The following RBPJ variants were observed in gnomAD, a reference collection of about 807,000 sequenced individuals.
RBPJ encodes recombining binding protein suppressor of hairless.
A neutral mutation model predicts 67.8 loss-of-function variants in RBPJ; 9 were observed. That is an observed-to-expected ratio of 0.13 (90% confidence interval 0.08 to 0.23). The LOEUF is 0.23. RBPJ is among the 10% of genes least tolerant of loss of function. The pLI is 1.00. For missense variants in RBPJ, 305 were observed against 595.6 expected, an observed-to-expected ratio of 0.51 and a Z score of 5.08; for synonymous variants, 198 against 203.3, an observed-to-expected ratio of 0.97 and a Z score of 0.22.
intron 1 of RBPJ, among the ~76,000 whole-genome samples, chr4:26,164,267 A>G (rs771528720): frequency 6.6e-5 from 10 of 152,240 alleles, no homozygotes; most frequent in Non-Finnish European, 1.5e-4. Context: ...TCACTTGTAC[A>G]TACATACACT....
At chr4:26,245,173 T>C (rs1719884877) in intron 1 of RBPJ, among the ~76,000 whole-genome samples, 1 of 151,124 alleles carries the variant, frequency 6.6e-6, no homozygotes, top group South Asian at 2.1e-4. Context: ...TCATTCTTTC[T>C]TCTCTCCAGT....
At chr4:26,315,169 T>A (rs6853532), upstream of RBPJ, among the ~76,000 whole-genome samples, 7,342 of 70,648 alleles carry the variant, frequency 0.1, 454 homozygotes, top group African/African-American at 0.14. Flanking sequence ...AAAAAAAAAA[T>A]ATATATATAT....
chr4:26,130,161 T>A, the RBPJ span, among the ~76,000 whole-genome samples: 3 of 152,124 alleles, frequency 2.0e-5, no homozygotes, highest in Admixed American at 6.5e-5. Flanking sequence ...ATGCCCAGCC[T>A]CAGAGGGATT....
intron 1 of RBPJ, among the ~76,000 whole-genome samples, chr4:26,214,529 GAGGAA>G (rs1560213689): frequency 3.0e-5 from 1 of 33,742 alleles, no homozygotes; most frequent in African/African-American, 1.2e-4. Context: ...GGGAGGGAAG[GAGGAA>G]GGGAGGGAGG....
the RBPJ span, among the ~76,000 whole-genome samples, chr4:26,124,918 G>A: frequency 6.6e-6 from 1 of 152,138 alleles, no homozygotes. Context: ...CACGACTGTA[G>A]TTCAGGACTG....
chr4:26,138,123 C>G, the RBPJ span, among the ~76,000 whole-genome samples: 6 of 152,210 alleles, frequency 3.9e-5, no homozygotes, highest in African/African-American at 1.4e-4. Flanking sequence ...TGTGAGGCCC[C>G]AGAATGAAGC....
At chr4:26,394,991 C>T (rs1731971202) in intron 2 of RBPJ, among the ~76,000 whole-genome samples, 1 of 152,180 alleles carries the variant, frequency 6.6e-6, no homozygotes, top group South Asian at 2.1e-4. Flanking sequence ...TGGCCTAACA[C>T]TTTTTGCAAA....
intron 1 of RBPJ, among the ~76,000 whole-genome samples, chr4:26,366,632 G>A (rs1311556548): frequency 6.6e-6 from 1 of 152,016 alleles, no homozygotes; most frequent in Non-Finnish European, 1.5e-5. Context: ...GTGTTAGCCA[G>A]GATGGCCTCA....
intron 1 of RBPJ, chr4:26,359,899 A>T (rs888441008): frequency 1.3e-5 from 2 of 152,256 alleles, no homozygotes; most frequent in Admixed American, 1.3e-4. Context: ...ATGCTTTAGC[A>T]GTAGTTTGCT....
chr4:26,191,610 C>T (rs979603916), intron 1 of RBPJ, among the ~76,000 whole-genome samples: 7 of 152,174 alleles, frequency 4.6e-5, no homozygotes, highest in African/African-American at 1.7e-4. Flanking sequence ...GGAGCCAGCT[C>T]CAAGAGTCCT....
At chr4:26,151,548 T>C in the RBPJ span, among the ~76,000 whole-genome samples, 1 of 152,238 alleles carries the variant, frequency 6.6e-6, no homozygotes, top group African/African-American at 2.4e-5. Context: ...TATGATATTT[T>C]ACTCTCATCT....
At chr4:26,276,283 A>G (rs959017791) in intron 1 of RBPJ, among the ~76,000 whole-genome samples, 4 of 151,990 alleles carry the variant, frequency 2.6e-5, no homozygotes, top group Middle Eastern at 3.4e-3. Flanking sequence ...AAAAAAAAAA[A>G]AAAAAGAAAA....
In RBPJ at chr4:26,256,173, T is replaced by C. The variant is rs183538768; in HGVS notation, c.-167+92559T>C. ...AAACTGTCATCACAACCACATGTTA[T>C]AGTGTTTATTTTCCCTTGCCTAGCC... On this transcript the variant is annotated intron_variant, in intron 1 of 4. Coordinates refer to the RBPJ transcript ENST00000512351. Among the ~76,000 whole-genome samples the C allele has an allele frequency of 2.0e-3, 308 of 152,198 alleles. 2 individuals are homozygous for C. The highest frequency in any genetic ancestry group is 7.1e-3 in the African/African-American group (295 of 41,532).
Position 26,420,182 on chromosome 4 carries a change from G to C in RBPJ, c.322-369G>C, listed in dbSNP as rs570754416. Among the ~76,000 whole-genome samples the C allele has an allele frequency of 6.7e-5, 10 of 150,142 alleles. No individual in the cohort carries two copies. The East Asian group carries it at 1.9e-3, about 29-fold the overall frequency. On this transcript the variant is annotated intron_variant, in intron 4 of 10. Transcript: ENST00000355476. ...TAGCTTTATTATTATTTTTTTTTTG[G>C]AGAAAGTCATTGATTTTTTTTAACT...
intron 5 of RBPJ, 118 bp downstream of exon 5, chr4:26,420,843 G>A: frequency 1.3e-6 from 1 of 788,326 alleles, no homozygotes; most frequent in East Asian, 2.9e-5. Flanking sequence ...ATATTTTTGT[G>A]GCCCTCTTTA....
chr4:26,186,951 TG>T (rs1717288261), intron 1 of RBPJ, among the ~76,000 whole-genome samples: 1 of 152,142 alleles, frequency 6.6e-6, no homozygotes, highest in South Asian at 2.1e-4. Flanking sequence ...CCTGGCGCAG[TG>T]GACCACGCCT....
At chr4:26,254,570 T>C (rs1335396757) in intron 1 of RBPJ, among the ~76,000 whole-genome samples, 2 of 149,064 alleles carry the variant, frequency 1.3e-5, no homozygotes, top group African/African-American at 5.2e-5. Flanking sequence ...ACTTTGATTT[T>C]ATCTTTGCCA....
intron 1 of RBPJ, among the ~76,000 whole-genome samples, chr4:26,367,402 G>A (rs894728501): frequency 5.9e-5 from 9 of 152,080 alleles, no homozygotes; most frequent in African/African-American, 1.7e-4. Flanking sequence ...TCTAGCACAC[G>A]GAGGTTGCAG....
At chr4:26,158,399 C>T in the RBPJ span, among the ~76,000 whole-genome samples, 4 of 152,278 alleles carry the variant, frequency 2.6e-5, no homozygotes, top group East Asian at 1.9e-4. Flanking sequence ...TGGTATCCTT[C>T]GGATAAATTG....
Sources: gnomAD v4.1 joint callset for allele counts (sites outside exome capture counted in the v4.1 genomes callset) on GRCh38, gnomAD v4.1.1 for gene constraint, MANE v1.5 for transcripts, NCBI Gene and HGNC (gene_info 2026-07-23, HGNC 2026-07-21) for gene names.